The following ROBO2 variants were observed in gnomAD, a reference collection of about 807,000 sequenced individuals.
ROBO2 encodes roundabout homolog 2.
ROBO2 carries 53 observed loss-of-function variants against 160.8 expected under a neutral mutation model. The ratio of observed to expected loss-of-function variants is 0.33; its 90% CI spans 0.26 to 0.41. The LOEUF (loss-of-function observed/expected upper bound fraction) is 0.41. ROBO2 is among the 10% of genes least tolerant of loss of function. The pLI, the probability that ROBO2 is intolerant of heterozygous loss-of-function variation, is 1.00. For missense variants in ROBO2, 1,577 were observed against 1,722.4 expected (o/e 0.92, Z 1.49); for synonymous variants, 664 against 611.7 (o/e 1.09, Z -1.26).
At position 77,131,366 on chromosome 3, in the gene ROBO2, G is replaced by C. The variant is rs559645359; in HGVS notation, c.388+33026G>C. Among the ~76,000 whole-genome samples, 5 of 152,234 alleles carry C rather than the reference G, an allele frequency of 3.3e-5. No individual in the cohort carries two copies. In the South Asian group the frequency reaches 1.0e-3, roughly 32 times the overall value. On this transcript the variant is annotated intron_variant, in intron 2 of 25. Transcript: ENST00000461745. ...GTTTTGTTGTGTTCTAATGGCATTA[G>C]ATGTTTCTAGATAAGTCTGTTCTCT...
chr3:77,093,834 AT>A (rs963965709), intron 1 of ROBO2, among the ~76,000 whole-genome samples: 1 of 152,020 alleles, frequency 6.6e-6, no homozygotes, highest in African/African-American at 2.4e-5. Context: ...CTAATTATCT[AT>A]TGCAGGCCTG....
intron 2 of ROBO2, among the ~76,000 whole-genome samples, chr3:77,272,762 G>A (rs1478939099): frequency 2.6e-5 from 4 of 152,002 alleles, no homozygotes; most frequent in African/African-American, 4.8e-5. Context: ...CCATAGTTTT[G>A]TAAAAACCTT....
chr3:76,127,377 A>T (rs899951911), intron 2 of ROBO2, among the ~76,000 whole-genome samples: 3 of 152,138 alleles, frequency 2.0e-5, no homozygotes, highest in East Asian at 1.9e-4. Flanking sequence ...ATAAGTCTAA[A>T]TTTTTTTGTT....
Position 77,117,350 on chromosome 3 carries a change from C to T in ROBO2, c.388+19010C>T, listed in dbSNP as rs915761891. Among the ~76,000 whole-genome samples the T allele has an allele frequency of 1.5e-4, 23 of 152,138 alleles. No homozygotes were observed. In the East Asian group the frequency reaches 1.9e-3, roughly 13 times the overall value. ...TAAAATTACCAAAATAAAACCCCAA[C>T]TCAAATACCTATGATACTAAATCTT... On this transcript the variant is annotated intron_variant, in intron 2 of 25. Transcript: ENST00000461745.
intron 2 of ROBO2, among the ~76,000 whole-genome samples, chr3:76,927,880 G>A (rs935054560): frequency 6.6e-6 from 1 of 152,130 alleles, no homozygotes; most frequent in Admixed American, 6.6e-5. Context: ...GTTATGGAGG[G>A]AGAGGATGAC....
intron 2 of ROBO2, among the ~76,000 whole-genome samples, chr3:76,622,845 G>A (rs912769130): frequency 1.3e-5 from 2 of 152,120 alleles, no homozygotes; most frequent in African/African-American, 4.8e-5. Flanking sequence ...AACTACATAT[G>A]TTGCAGGCAC....
chr3:76,225,590 C>A (rs1704234564), intron 2 of ROBO2, among the ~76,000 whole-genome samples: 1 of 152,104 alleles, frequency 6.6e-6, no homozygotes, highest in African/African-American at 2.4e-5. Context: ...CAGCATGTGC[C>A]TGTAATCCCA....
intron 2 of ROBO2, among the ~76,000 whole-genome samples, chr3:76,858,262 A>ACACT (rs2070357464): frequency 6.6e-6 from 1 of 152,242 alleles, no homozygotes; most frequent in Non-Finnish European, 1.5e-5. Flanking sequence ...CATAAAACAA[A>ACACT]CACTCAGTAA....
At chr3:76,538,483 C>T (rs767754233) in intron 2 of ROBO2, among the ~76,000 whole-genome samples, 5 of 152,170 alleles carry the variant, frequency 3.3e-5, no homozygotes, top group Non-Finnish European at 5.9e-5. Flanking sequence ...TATGTATTTA[C>T]ATCACGTACC....
intron 2 of ROBO2, among the ~76,000 whole-genome samples, chr3:76,491,633 A>C (rs1297264127): frequency 6.6e-6 from 1 of 152,196 alleles, no homozygotes; most frequent in African/African-American, 2.4e-5. Context: ...TACATTGAAA[A>C]ATTATACCTA....
intron 2 of ROBO2, among the ~76,000 whole-genome samples, chr3:76,803,200 A>T (rs950503257): frequency 1.1e-4 from 17 of 152,146 alleles, no homozygotes; most frequent in Non-Finnish European, 2.4e-4. Context: ...GGAGTTGTTC[A>T]TTATTCTGCT....
chr3:76,996,572 T>A (rs2061021651), intron 2 of ROBO2, among the ~76,000 whole-genome samples: 1 of 152,046 alleles, frequency 6.6e-6, no homozygotes, highest in African/African-American at 2.4e-5. Flanking sequence ...TATTGATTCT[T>A]CCTACCCCTG....
At chr3:76,497,760 G>C (rs777103740) in intron 2 of ROBO2, among the ~76,000 whole-genome samples, 2 of 152,160 alleles carry the variant, frequency 1.3e-5, no homozygotes, top group Non-Finnish European at 2.9e-5. Flanking sequence ...AAAAGACTCA[G>C]GTTTCCCAAA....
At chr3:76,522,671 A>C (rs1213470756) in intron 2 of ROBO2, among the ~76,000 whole-genome samples, 2 of 152,118 alleles carry the variant, frequency 1.3e-5, no homozygotes, top group Non-Finnish European at 2.9e-5. Context: ...GATTCCACTG[A>C]ATGATTTATC....
At chr3:76,615,241 T>C (rs915572534) in intron 2 of ROBO2, among the ~76,000 whole-genome samples, 1 of 152,142 alleles carries the variant, frequency 6.6e-6, no homozygotes, top group East Asian at 1.9e-4. Context: ...TTTATTATTT[T>C]GCTTTTGAAA....
chr3:77,465,980 A>G (rs1369967340), intron 2 of ROBO2, among the ~76,000 whole-genome samples: 5 of 152,164 alleles, frequency 3.3e-5, no homozygotes. Flanking sequence ...GAACTGTCAG[A>G]AGATGGTGAT....
At chr3:77,382,833 G>A (rs1292608859) in intron 2 of ROBO2, among the ~76,000 whole-genome samples, 1 of 152,146 alleles carries the variant, frequency 6.6e-6, no homozygotes, top group African/African-American at 2.4e-5. Context: ...TAGGCATTTA[G>A]GTTGCTTCCA....
At chr3:77,110,671 A>G (rs2073452809) in intron 2 of ROBO2, among the ~76,000 whole-genome samples, 2 of 149,070 alleles carry the variant, frequency 1.3e-5, no homozygotes, top group Admixed American at 6.7e-5. Context: ...AAATATAAGT[A>G]TATATGTATA....
chr3:77,213,957 T>C (rs1302974028), intron 2 of ROBO2, among the ~76,000 whole-genome samples: 2 of 152,180 alleles, frequency 1.3e-5, no homozygotes, highest in Non-Finnish European at 2.9e-5. Flanking sequence ...TTTGTTATCA[T>C]TTCTGTTTTT....
Sources: gnomAD v4.1 joint callset for allele counts (sites outside exome capture counted in the v4.1 genomes callset) on GRCh38, gnomAD v4.1.1 for gene constraint, MANE v1.5 for transcripts, NCBI Gene and HGNC (gene_info 2026-07-23, HGNC 2026-07-21) for gene names.